AGBL4: variants seen among roughly 807,000 people sequenced by gnomAD.
AGBL4 encodes the protein AGBL carboxypeptidase 4.
A neutral mutation model predicts 66.4 loss-of-function variants in AGBL4; 58 were observed. That is an observed-to-expected ratio of 0.87 (90% CI 0.71 to 1.09). The LOEUF (loss-of-function observed/expected upper bound fraction) is 1.09, where lower values mean the gene tolerates loss of function less well. Ranked by LOEUF, AGBL4 falls within the 50% of genes least tolerant of loss-of-function variation. AGBL4 has a pLI of 0.00. For missense variants in AGBL4, 579 were observed against 631.0 expected (o/e 0.92, Z 0.88); for synonymous variants, 234 against 222.9 (o/e 1.05, Z -0.44).
At chr1:49,725,746 G>A (rs1474946130) in intron 2 of AGBL4, among the ~76,000 whole-genome samples, 24 of 146,854 alleles carry the variant, frequency 1.6e-4, no homozygotes, top group Admixed American at 1.2e-3. Context: ...GTGCAGAGGC[G>A]CGATCTTGGC....
At chr1:49,707,117 T>C (rs1191934554) in intron 2 of AGBL4, among the ~76,000 whole-genome samples, 2 of 152,118 alleles carry the variant, frequency 1.3e-5, no homozygotes, top group African/African-American at 4.8e-5. Flanking sequence ...TTCTGTCTCG[T>C]TGATCTGTCT....
chr1:49,357,147 A>T (rs1360210120), intron 3 of AGBL4, among the ~76,000 whole-genome samples: 2 of 152,226 alleles, frequency 1.3e-5, no homozygotes, highest in Non-Finnish European at 2.9e-5. Context: ...GGCTGGGCCA[A>T]CAAAGAAGAC....
At chr1:49,814,700 T>C (rs1393973364) in intron 2 of AGBL4, among the ~76,000 whole-genome samples, 2 of 152,122 alleles carry the variant, frequency 1.3e-5, no homozygotes, top group Non-Finnish European at 2.9e-5. Flanking sequence ...TAGGGTTCAA[T>C]GCAGTGTTGT....
intron 3 of AGBL4, among the ~76,000 whole-genome samples, chr1:49,532,316 C>T (rs1275699685): frequency 6.6e-6 from 1 of 152,072 alleles, no homozygotes; most frequent in Non-Finnish European, 1.5e-5. Flanking sequence ...CCTAGTTTGT[C>T]CTGATGATTA....
chr1:49,113,613 T>G (rs1645457952), intron 4 of AGBL4, among the ~76,000 whole-genome samples: 1 of 152,202 alleles, frequency 6.6e-6, no homozygotes, highest in Admixed American at 6.5e-5. Context: ...TCAGTTTACT[T>G]TACCTAGACC....
chr1:48,733,788 G>A (rs1353265789), intron 6 of AGBL4, among the ~76,000 whole-genome samples: 1 of 152,186 alleles, frequency 6.6e-6, no homozygotes, highest in Non-Finnish European at 1.5e-5. Context: ...AATTTGGTCA[G>A]GCGATCAGCT....
chr1:49,766,187 T>C lies in AGBL4; in HGVS notation c.158-68750A>G, dbSNP rs375518693. Among the ~76,000 whole-genome samples the C allele has an allele frequency of 1.9e-3, 282 of 152,196 alleles. 1 individual carries two copies. Among genetic ancestry groups the C allele is most frequent in the African/African-American group, 6.4e-3 (267 of 41,540 alleles). On this transcript the variant is annotated intron_variant, in intron 2 of 13. Transcript: ENST00000371839. ...AAAGCAAAAATCTTAAAGGCAGCTA[T>C]GCAAAAAGGTGAGAACACATATAAA...
chr1:49,291,999 T>C (rs1644543722), intron 3 of AGBL4, among the ~76,000 whole-genome samples: 1 of 152,218 alleles, frequency 6.6e-6, no homozygotes, highest in Admixed American at 6.5e-5. Flanking sequence ...GCAGACTCCC[T>C]GCACTCTTGA....
chr1:49,301,755 A>G (rs1386432866), intron 3 of AGBL4, among the ~76,000 whole-genome samples: 1 of 152,126 alleles, frequency 6.6e-6, no homozygotes, highest in Non-Finnish European at 1.5e-5. Flanking sequence ...TAGACCTTCC[A>G]TTCTGGCAGA....
At chr1:48,791,276 T>C (rs1245222260) in intron 6 of AGBL4, among the ~76,000 whole-genome samples, 1 of 152,152 alleles carries the variant, frequency 6.6e-6, no homozygotes, top group Non-Finnish European at 1.5e-5. Flanking sequence ...AGTAAACATA[T>C]CCCAGCATTT....
At chr1:49,631,354 C>A (rs1023937301) in intron 3 of AGBL4, among the ~76,000 whole-genome samples, 1 of 152,174 alleles carries the variant, frequency 6.6e-6, no homozygotes, top group Non-Finnish European at 1.5e-5. Flanking sequence ...GGATCTCACA[C>A]TTCTCCCTTA....
intron 4 of AGBL4, among the ~76,000 whole-genome samples, chr1:49,184,595 C>G (rs1342056325): frequency 1.3e-5 from 2 of 152,140 alleles, no homozygotes; most frequent in Admixed American, 1.3e-4. Context: ...CTAATTAGGG[C>G]AAAGATGTCT....
intron 3 of AGBL4, among the ~76,000 whole-genome samples, chr1:49,618,250 A>G (rs1430463613): frequency 6.6e-6 from 1 of 152,120 alleles, no homozygotes; most frequent in Non-Finnish European, 1.5e-5. Context: ...TCTCCAGTCT[A>G]TCATTAATGG....
At chr1:49,313,206 A>G (rs1644973190) in intron 3 of AGBL4, among the ~76,000 whole-genome samples, 1 of 152,082 alleles carries the variant, frequency 6.6e-6, no homozygotes, top group Non-Finnish European at 1.5e-5. Flanking sequence ...ACAAAAACTC[A>G]TCCCTTTTTA....
chr1:49,515,518 C>A (rs1477455713), intron 3 of AGBL4, among the ~76,000 whole-genome samples: 3 of 151,852 alleles, frequency 2.0e-5, no homozygotes, highest in Admixed American at 1.3e-4. Flanking sequence ...TACCATTTGA[C>A]CCAGCAATCC....
intron 4 of AGBL4, among the ~76,000 whole-genome samples, chr1:49,083,027 A>T (rs1644835526): frequency 6.6e-6 from 1 of 152,198 alleles, no homozygotes; most frequent in South Asian, 2.1e-4. Context: ...CATGTCTCAC[A>T]TTCAGGTCAT....
At chr1:48,618,214 C>T (rs574537829) in intron 9 of AGBL4, among the ~76,000 whole-genome samples, 30 of 152,180 alleles carry the variant, frequency 2.0e-4, no homozygotes, top group South Asian at 6.2e-4. Context: ...TAAAACAAAA[C>T]GAAACAAAAC....
chr1:48,944,106 G>A (rs1233339389), intron 5 of AGBL4, among the ~76,000 whole-genome samples: 1 of 152,106 alleles, frequency 6.6e-6, no homozygotes, highest in East Asian at 1.9e-4. Flanking sequence ...CTGCCTCATT[G>A]AGCTCATGAT....
intron 3 of AGBL4, among the ~76,000 whole-genome samples, chr1:49,311,248 T>A (rs1644936308): frequency 6.6e-6 from 1 of 152,056 alleles, no homozygotes; most frequent in Admixed American, 6.6e-5. Context: ...CTTAAATGTT[T>A]TACCATGCCA....
Sources: allele counts gnomAD v4.1 joint callset (sites outside exome capture counted in the v4.1 genomes callset), GRCh38; gene constraint gnomAD v4.1.1; transcripts MANE v1.5; gene names NCBI Gene and HGNC (gene_info 2026-07-23, HGNC 2026-07-21).